The following COQ8A variants were observed in gnomAD, a reference collection of about 807,000 sequenced individuals.
COQ8A encodes the protein coenzyme Q8A.
COQ8A carries 51 observed loss-of-function variants against 65.0 expected under a neutral mutation model. That is an observed-to-expected ratio of 0.78 (90% confidence interval 0.63 to 0.99). The LOEUF is 0.99. COQ8A is among the 50% of genes least tolerant of loss of function. The pLI, the probability that COQ8A is intolerant of heterozygous loss-of-function variation, is 0.00. For missense variants in COQ8A, 940 were observed against 875.0 expected, an observed-to-expected ratio of 1.07 and a Z score of -0.94; for synonymous variants, 371 against 353.2, an observed-to-expected ratio of 1.05 and a Z score of -0.57.
intron 4 of COQ8A, among the ~76,000 whole-genome samples, chr1:226,967,431 C>T (rs573781766): frequency 2.6e-5 from 4 of 152,190 alleles, no homozygotes; most frequent in South Asian, 2.1e-4. Context: ...GTCCTCACTT[C>T]GGAGTCTTTG....
At chr1:226,942,857 G>T (rs1656786537) in intron 1 of COQ8A, among the ~76,000 whole-genome samples, 1 of 152,240 alleles carries the variant, frequency 6.6e-6, no homozygotes. Flanking sequence ...TGTGGAGAAA[G>T]ATGCTTTACT....
In COQ8A at chr1:226,940,382, C is replaced by T. The variant is rs1381734658; in HGVS notation, c.-27C>T. The T allele has an allele frequency of 1.3e-5, 2 of 152,336 alleles. No individual in the cohort carries two copies. The highest frequency in any genetic ancestry group is 2.9e-5 in the Non-Finnish European group (2 of 68,110). 9.4% of individuals were successfully genotyped at this position (152,336 alleles called of 1,614,324 possible). The stretch of plus-strand genomic sequence containing the variant: ...GGCGGCTAGAAGGTGACCGCGGATC[C>T]CAGCTTCCTGCAGCCAGGTAAGGCT... On this transcript the variant is annotated 5_prime_UTR_variant, in exon 1 of 15. Coordinates refer to ENST00000366777, the MANE Select transcript of COQ8A (RefSeq NM_020247.5).
intron 1 of COQ8A, among the ~76,000 whole-genome samples, chr1:226,957,435 C>T (rs956463028): frequency 6.6e-6 from 1 of 152,194 alleles, no homozygotes; most frequent in African/African-American, 2.4e-5. Context: ...GCTTTTAGAA[C>T]AGACACCATG....
At position 226,946,860 on chromosome 1, in the gene COQ8A, C is replaced by T. The variant is rs1402794187; in HGVS notation, c.-10+6461C>T. ...GTGGCAAGACTGAGGGCCGTGTGCCCGATGGCTCCTCCTAGCTCTTGCACA... is the reference window on the plus strand; with the variant it reads ...GTGGCAAGACTGAGGGCCGTGTGCCTGATGGCTCCTCCTAGCTCTTGCACA... On this transcript the variant is annotated intron_variant, in intron 1 of 14. Transcript: ENST00000366777. The surrounding 1 kb of genome is among the most constrained non-coding windows in gnomAD (Gnocchi z 5.3). 6.6e-6 allele frequency among the ~76,000 whole-genome samples: 1 copy of T among 152,226 alleles called. No homozygotes were observed. The highest frequency in any genetic ancestry group is 2.4e-5 in the African/African-American group (1 of 41,456).
At position 226,961,376 on chromosome 1, in the gene COQ8A, G is replaced by A. The variant is rs781264173; in HGVS notation, c.-9-1G>A. On this transcript the variant is annotated splice_acceptor_variant, in intron 1 of 14. Coordinates refer to ENST00000366777, the MANE Select transcript of COQ8A (RefSeq NM_020247.5). LOFTEE classifies it low-confidence loss of function (5UTR_SPLICE). ...CCCTGACTTGGCCTCCTCTCTTCCAGCCCTGAAGGATGGCTGCCATATTGG... is the reference window on the plus strand; with the variant it reads ...CCCTGACTTGGCCTCCTCTCTTCCAACCCTGAAGGATGGCTGCCATATTGG... The A allele has an allele frequency of 6.2e-7, 1 of 1,613,478 alleles. No individual in the cohort carries two copies. Among genetic ancestry groups the A allele is most frequent in the South Asian group, 1.1e-5 (1 of 91,076 alleles).
At chr1:226,950,227 A>C in intron 1 of COQ8A, among the ~76,000 whole-genome samples, 1 of 152,148 alleles carries the variant, frequency 6.6e-6, no homozygotes, top group East Asian at 1.9e-4. Context: ...TCTCTGGACT[A>C]TCATCAGAGG....
At chr1:226,940,773 T>C (rs1656641125) in intron 1 of COQ8A, among the ~76,000 whole-genome samples, 1 of 152,192 alleles carries the variant, frequency 6.6e-6, no homozygotes, top group Non-Finnish European at 1.5e-5. Context: ...GATGCTTCGC[T>C]TTCTAATAAT....
In COQ8A at chr1:226,986,661, T is replaced by G; in HGVS notation, c.1868T>G (p.Leu623Arg). The change falls in exon 15 of 15, where the codon CTG becomes CGG. Residue 623 changes from leucine (L) to arginine (R), a missense_variant. Coordinates refer to ENST00000366777, the MANE Select transcript of COQ8A (RefSeq NM_020247.5). Reference sequence around the variant, plus strand: ...GGCTCCTTCCTCATCTGCTCCAAGCTGAAGGCCCGCTTCCCCTGCAAGGCC... The same window carrying G: ...GGCTCCTTCCTCATCTGCTCCAAGCGGAAGGCCCGCTTCCCCTGCAAGGCC... ...MGGSFLICSK[L>R]KARFPCKAMF... 3.1e-6 allele frequency: 5 copies of G among 1,614,002 alleles called. No individual in the cohort carries two copies. The highest frequency in any genetic ancestry group is 4.2e-6 in the Non-Finnish European group (5 of 1,180,020).
At chr1:226,975,321 G>A (rs2148092944) in intron 4 of COQ8A, among the ~76,000 whole-genome samples, 2 of 152,234 alleles carry the variant, frequency 1.3e-5, no homozygotes, top group South Asian at 4.1e-4. Context: ...TCACTCCTGA[G>A]GGCCAGGAGG....
chr1:226,979,446 G>A (rs1659560702), intron 5 of COQ8A, among the ~76,000 whole-genome samples: 1 of 152,208 alleles, frequency 6.6e-6, no homozygotes, highest in Non-Finnish European at 1.5e-5. Context: ...GGTGTGGAGA[G>A]CAGTGCCAAG....
intron 1 of COQ8A, among the ~76,000 whole-genome samples, chr1:226,959,496 G>A (rs1230755740): frequency 2.0e-5 from 3 of 152,146 alleles, no homozygotes; most frequent in Admixed American, 6.5e-5. Context: ...TGTGGGTGTG[G>A]CCCCTAAACA....
chr1:226,982,626 G>C, intron 6 of COQ8A, 52 bp from the exon 7 acceptor site: 1 of 1,593,146 alleles, frequency 6.3e-7, no homozygotes, highest in Non-Finnish European at 8.6e-7. Context: ...CCAGGTCCTG[G>C]GCGCACACTT....
At chr1:226,973,974 A>T (rs755120912) in intron 4 of COQ8A, among the ~76,000 whole-genome samples, 1 of 152,214 alleles carries the variant, frequency 6.6e-6, no homozygotes, top group Non-Finnish European at 1.5e-5. Flanking sequence ...GCCCCAAGGA[A>T]CTTTACTTAC....
Position 226,946,210 on chromosome 1 carries a change from A to AC in COQ8A, c.-10+5811_-10+5812insC, listed in dbSNP as rs375741923. ...TAAGGGAAATGGGACAGGCACACAC[A>AC]GAGTCATACAGGGCATGGCGAGGTG... On this transcript the variant is annotated intron_variant, in intron 1 of 14. Transcript: ENST00000366777. The surrounding 1 kb of genome is among the most constrained non-coding windows in gnomAD (Gnocchi z 5.3). 2.5e-3 allele frequency among the ~76,000 whole-genome samples: 381 copies of AC among 152,350 alleles called. No individual in the cohort carries two copies. The highest frequency in any genetic ancestry group is 8.8e-3 in the African/African-American group (365 of 41,576).
chr1:226,941,774 CAAAAA>C (rs374191145), intron 1 of COQ8A, among the ~76,000 whole-genome samples: 1 of 81,522 alleles, frequency 1.2e-5, no homozygotes, highest in East Asian at 3.5e-4. Flanking sequence ...GACTCAATCT[CAAAAA>C]AAAAAAAAAA....
At chr1:226,978,822 GCACACACCTCCTTACA>G in intron 5 of COQ8A, among the ~76,000 whole-genome samples, 1 of 81,344 alleles carries the variant, frequency 1.2e-5, no homozygotes, top group East Asian at 3.7e-4. Context: ...CACCCTCCAT[GCACACACCTCCTTACA>G]CACCCACCTC....
chr1:226,983,471 G>T, intron 8 of COQ8A, 81 bp from the exon 9 acceptor site: 1 of 1,337,608 alleles, frequency 7.5e-7, no homozygotes, highest in Non-Finnish European at 1.1e-6. Context: ...TGGGAAGCCA[G>T]TTGGGGGTTG....
intron 4 of COQ8A, 57 bp from the exon 5 acceptor site, chr1:226,977,392 G>C: frequency 6.6e-7 from 1 of 1,516,406 alleles, no homozygotes; most frequent in Non-Finnish European, 8.9e-7. Context: ...GTGGGTGGGC[G>C]AGCGGGTGGC....
In COQ8A at chr1:226,944,889, C is replaced by G. The variant is rs945816679; in HGVS notation, c.-10+4490C>G. 3.9e-5 allele frequency among the ~76,000 whole-genome samples: 6 copies of G among 152,156 alleles called. No individual in the cohort carries two copies. In the East Asian group the frequency reaches 9.6e-4, roughly 24 times the overall value. ...TCTCTCCCTACCTCTGCACCGTCCA[C>G]TGGAATTTTCCATTTCCCAGAGGTG... is the stretch of plus-strand genomic sequence containing the variant. On this transcript the variant is annotated intron_variant, in intron 1 of 14. Transcript: ENST00000366777.
Sources: allele counts gnomAD v4.1 joint callset (sites outside exome capture counted in the v4.1 genomes callset), GRCh38; gene constraint gnomAD v4.1.1; non-coding constraint Gnocchi (gnomAD v3.1); transcripts MANE v1.5; gene names NCBI Gene and HGNC (gene_info 2026-07-23, HGNC 2026-07-21).